ZNF730: variants seen among roughly 807,000 people sequenced by gnomAD.
The protein encoded by ZNF730 is putative zinc finger protein 730.
Under a neutral mutation model 12.6 loss-of-function variants are expected in ZNF730, and 12 were observed. The observed-to-expected ratio is 0.95, with a 90% CI of 0.61 to 1.54. The LOEUF is 1.54. ZNF730 is among the 40% of genes most tolerant of loss of function. ZNF730 has a pLI of 0.00. For synonymous variants in ZNF730, 194 were observed against 195.8 expected (o/e 0.99, Z 0.08); for missense variants, 643 against 583.5 (o/e 1.10, Z -1.05).
intron 1 of ZNF730, among the ~76,000 whole-genome samples, chr19:23,089,352 G>A (rs1970118085): frequency 6.6e-6 from 1 of 151,948 alleles, no homozygotes; most frequent in Non-Finnish European, 1.5e-5. Context: ...CTACAGGTGG[G>A]CGCCTCCATG....
intron 1 of ZNF730, among the ~76,000 whole-genome samples, chr19:23,099,345 T>G (rs1002216872): frequency 6.6e-6 from 1 of 151,730 alleles, no homozygotes; most frequent in Non-Finnish European, 1.5e-5. Context: ...TTGTGACTCA[T>G]GCATACCATA....
intron 1 of ZNF730, chr19:23,127,392 C>T (rs950877138): frequency 9.3e-6 from 8 of 856,294 alleles, no homozygotes; most frequent in Non-Finnish European, 1.3e-5. Context: ...TTGGATATTC[C>T]CAAATATTCA....
chr19:23,095,448 A>G, intron 1 of ZNF730: 1 of 398,348 alleles, frequency 2.5e-6, no homozygotes, highest in Non-Finnish European at 4.4e-6. Context: ...CAGGTAATGC[A>G]ACTCTATTCT....
intron 1 of ZNF730, 108 bp from the exon 2 acceptor site, chr19:23,133,972 C>T: frequency 2.3e-6 from 3 of 1,331,608 alleles, no homozygotes. Context: ...TTTCAGTCAC[C>T]CCTATAAGTA....
At chr19:23,094,382 C>T (rs572001558) in intron 1 of ZNF730, among the ~76,000 whole-genome samples, 55 of 141,732 alleles carry the variant, frequency 3.9e-4, no homozygotes, top group African/African-American at 1.6e-3. Context: ...ATCTATCTAT[C>T]TATCTATCTG....
intron 1 of ZNF730, among the ~76,000 whole-genome samples, chr19:23,089,538 T>C (rs914712659): frequency 7.9e-5 from 12 of 152,270 alleles, no homozygotes; most frequent in African/African-American, 2.9e-4. Context: ...TGATATTGAA[T>C]AAGTCTCACA....
intron 1 of ZNF730, among the ~76,000 whole-genome samples, chr19:23,103,137 A>G (rs1970355051): frequency 6.6e-6 from 1 of 152,236 alleles, no homozygotes; most frequent in African/African-American, 2.4e-5. Flanking sequence ...ATCCGGCCAG[A>G]GTTGAAATCA....
intron 1 of ZNF730, among the ~76,000 whole-genome samples, chr19:23,091,916 AG>A (rs1369673761): frequency 6.6e-6 from 1 of 152,120 alleles, no homozygotes; most frequent in African/African-American, 2.4e-5. Context: ...TTGAAATGTG[AG>A]GACATGAGAT....
chr19:23,120,682 A>G (rs1271144021), intron 1 of ZNF730, among the ~76,000 whole-genome samples: 5 of 152,066 alleles, frequency 3.3e-5, no homozygotes, highest in Non-Finnish European at 5.9e-5. Context: ...TCTTATTTGT[A>G]TGACTTTTCA....
chr19:23,101,547 C>T (rs1970335996), intron 1 of ZNF730, among the ~76,000 whole-genome samples: 2 of 152,164 alleles, frequency 1.3e-5, no homozygotes, highest in African/African-American at 4.8e-5. Context: ...CATCTGCTAC[C>T]CACCTTAGTG....
At chr19:23,094,590 C>T (rs923221853) in intron 1 of ZNF730, among the ~76,000 whole-genome samples, 2 of 152,158 alleles carry the variant, frequency 1.3e-5, no homozygotes, top group African/African-American at 4.8e-5. Flanking sequence ...TCTCCATCCT[C>T]AGCCTCCCAA....
chr19:23,106,720 G>A (rs1351245942), intron 1 of ZNF730, among the ~76,000 whole-genome samples: 1 of 151,256 alleles, frequency 6.6e-6, no homozygotes, highest in Non-Finnish European at 1.5e-5. Context: ...GAACCCAGAG[G>A]TGTATGTTAT....
intron 1 of ZNF730, among the ~76,000 whole-genome samples, chr19:23,091,357 C>T (rs999638477): frequency 2.6e-5 from 4 of 152,140 alleles, no homozygotes. Flanking sequence ...AATGTGGGGT[C>T]AGAGCCCCCA....
chr19:23,111,747 CAA>C (rs547423063), intron 1 of ZNF730, among the ~76,000 whole-genome samples: 1 of 124,528 alleles, frequency 8.0e-6, no homozygotes. Flanking sequence ...GACTCCGTCT[CAA>C]AAAAAAAAAA....
chr19:23,076,870 T>G (rs1969870825), intron 1 of ZNF730, among the ~76,000 whole-genome samples: 1 of 152,116 alleles, frequency 6.6e-6, no homozygotes, highest in Non-Finnish European at 1.5e-5. Context: ...CATTCTACTA[T>G]AAAGACACGT....
At position 23,145,344 on chromosome 19, in the gene ZNF730, G is replaced by T; in HGVS notation, c.300G>T (p.Leu100=). The T allele has an allele frequency of 6.3e-7, 1 of 1,598,400 alleles. No homozygotes were observed. Among genetic ancestry groups the T allele is most frequent in the South Asian group, 1.1e-5 (1 of 89,084 alleles). The stretch of plus-strand genomic sequence containing the variant: ...AAGATTATTTCCAAGAAGTCATACT[G>T]AGACAATATAAAAAATGTAGACATG... ...GIKDYFQEVI[L]RQYKKCRHEN... Residue 100 remains leucine (L), a synonymous_variant, in exon 4 of 4, where the codon CTG becomes CTT. Coordinates refer to ENST00000597761, the MANE Select transcript of ZNF730 (RefSeq NM_001277403.2).
At chr19:23,101,850 G>C (rs964174957) in intron 1 of ZNF730, among the ~76,000 whole-genome samples, 1 of 152,184 alleles carries the variant, frequency 6.6e-6, no homozygotes, top group Non-Finnish European at 1.5e-5. Context: ...TTACAGGTAT[G>C]AGCCACCATG....
At chr19:23,141,251 C>T (rs1046662369) in intron 3 of ZNF730, among the ~76,000 whole-genome samples, 6 of 151,830 alleles carry the variant, frequency 4.0e-5, no homozygotes, top group Non-Finnish European at 5.9e-5. Flanking sequence ...AAAAATTAGC[C>T]GGGTGTGGTG....
At chr19:23,126,139 A>G (rs1970663494) in intron 1 of ZNF730, among the ~76,000 whole-genome samples, 1 of 152,202 alleles carries the variant, frequency 6.6e-6, no homozygotes, top group Non-Finnish European at 1.5e-5. Flanking sequence ...TTTTTAAAAC[A>G]AAATTTTAAA....
Sources: gnomAD v4.1 joint callset for allele counts (sites outside exome capture counted in the v4.1 genomes callset) on GRCh38, gnomAD v4.1.1 for gene constraint, MANE v1.5 for transcripts, NCBI Gene and HGNC (gene_info 2026-07-23, HGNC 2026-07-21) for gene names.